Variants in NOS1AP observed in about 807,000 individuals in gnomAD.
NOS1AP encodes nitric oxide synthase 1 adaptor protein.
A neutral mutation model predicts 56.2 loss-of-function variants in NOS1AP; 21 were observed. That is an observed-to-expected ratio of 0.37 (90% CI 0.26 to 0.54). The LOEUF is 0.54. NOS1AP is among the 20% of genes least tolerant of loss of function. The probability of loss-of-function intolerance (pLI) is 0.84; values close to 1 mark genes in which losing one functional copy is unlikely to be tolerated. For synonymous variants in NOS1AP, 270 were observed against 274.6 expected, an observed-to-expected ratio of 0.98 and a Z score of 0.17; for missense variants, 522 against 657.8, an observed-to-expected ratio of 0.79 and a Z score of 2.26.
In NOS1AP at chr1:162,302,158, AC is replaced by A. The variant is rs1407034497; in HGVS notation, c.344+1453del. On this transcript the variant is annotated intron_variant, in intron 4 of 9. Transcript: ENST00000361897. Reference sequence around the variant, plus strand: ...AAATACTTGTTATAGTGTTTCTGTTACTTTTTTAAAAAACAAATGTCAATTT... The same window carrying A: ...AAATACTTGTTATAGTGTTTCTGTTATTTTTTAAAAAACAAATGTCAATTT... 9.9e-5 allele frequency among the ~76,000 whole-genome samples: 15 copies of A among 152,220 alleles called. No homozygotes were observed. In the East Asian group the frequency reaches 2.9e-3, roughly 29 times the overall value.
At chr1:162,182,550 G>A (rs1441042752) in intron 2 of NOS1AP, among the ~76,000 whole-genome samples, 2 of 152,214 alleles carry the variant, frequency 1.3e-5, no homozygotes, top group Non-Finnish European at 2.9e-5. Context: ...TCTGTAGCGT[G>A]TGACACTATT....
At chr1:162,268,257 G>GAA (rs757606072) in intron 2 of NOS1AP, among the ~76,000 whole-genome samples, 195 of 131,498 alleles carry the variant, frequency 1.5e-3, no homozygotes, top group African/African-American at 3.8e-3. Flanking sequence ...CTGTCTATAG[G>GAA]AAAAAAAAAA....
chr1:162,350,126 A>C (rs932391128), intron 6 of NOS1AP, among the ~76,000 whole-genome samples: 1 of 151,984 alleles, frequency 6.6e-6, no homozygotes, highest in Non-Finnish European at 1.5e-5. Context: ...TTTTACGAGA[A>C]TCTCACCTTC....
chr1:162,295,515 AT>A (rs200341152), intron 3 of NOS1AP, among the ~76,000 whole-genome samples: 4,432 of 150,386 alleles, frequency 0.029, 101 homozygotes, highest in Non-Finnish European at 0.044. Context: ...CTCATTTCAA[AT>A]TTTTTTTTTC....
At chr1:162,209,152 G>C (rs1019983040) in intron 2 of NOS1AP, among the ~76,000 whole-genome samples, 2 of 152,196 alleles carry the variant, frequency 1.3e-5, no homozygotes, top group South Asian at 4.1e-4. Context: ...AAACCCCATG[G>C]GGCCTCTGTA....
At chr1:162,252,881 T>C (rs1241152942) in intron 2 of NOS1AP, among the ~76,000 whole-genome samples, 2 of 152,198 alleles carry the variant, frequency 1.3e-5, no homozygotes, top group African/African-American at 4.8e-5. Flanking sequence ...GTTCAGCAGC[T>C]ATTGTATTGG....
At chr1:162,364,641 C>T in intron 8 of NOS1AP, 1 of 985,576 alleles carries the variant, frequency 1.0e-6, no homozygotes, top group Non-Finnish European at 1.2e-6. Flanking sequence ...CACCTCAGCC[C>T]TTCTGGGCTG....
intron 2 of NOS1AP, among the ~76,000 whole-genome samples, chr1:162,170,417 T>C (rs530704724): frequency 6.6e-6 from 1 of 152,078 alleles, no homozygotes; most frequent in African/African-American, 2.4e-5. Context: ...GAGCTGGGGG[T>C]CCACCTGGGC....
At chr1:162,143,555 A>G (rs1649325966) in intron 1 of NOS1AP, among the ~76,000 whole-genome samples, 2 of 152,150 alleles carry the variant, frequency 1.3e-5, no homozygotes, top group South Asian at 2.1e-4. Context: ...CCGGGGCTCA[A>G]GCGATCCTCC....
At chr1:162,300,885 T>G (rs1214848584) in intron 4 of NOS1AP, among the ~76,000 whole-genome samples, 179 bp downstream of exon 4, 2 of 152,214 alleles carry the variant, frequency 1.3e-5, no homozygotes, top group Non-Finnish European at 1.5e-5. Flanking sequence ...CTTATCATTC[T>G]GGTCATGCTT....
chr1:162,113,569 T>C (rs1163532354), intron 1 of NOS1AP, among the ~76,000 whole-genome samples: 1 of 152,128 alleles, frequency 6.6e-6, no homozygotes, highest in Non-Finnish European at 1.5e-5. Flanking sequence ...AGGAAACTTA[T>C]GATCATGGCA....
intron 1 of NOS1AP, among the ~76,000 whole-genome samples, chr1:162,126,665 A>G (rs1164504137): frequency 6.6e-6 from 1 of 152,136 alleles, no homozygotes; most frequent in East Asian, 1.9e-4. Context: ...GGTTTATTCA[A>G]CTTGTTTTCA....
At chr1:162,254,801 A>C (rs1653975099) in intron 2 of NOS1AP, among the ~76,000 whole-genome samples, 1 of 152,212 alleles carries the variant, frequency 6.6e-6, no homozygotes, top group Non-Finnish European at 1.5e-5. Context: ...TTACCAGTAC[A>C]ATCTGTGGTA....
intron 1 of NOS1AP, among the ~76,000 whole-genome samples, chr1:162,096,165 C>T (rs1466244882): frequency 6.6e-6 from 1 of 152,204 alleles, no homozygotes; most frequent in African/African-American, 2.4e-5. Context: ...TAAGTATAGG[C>T]TCTGCAGTGA....
intron 2 of NOS1AP, among the ~76,000 whole-genome samples, chr1:162,240,710 A>C (rs373804451): frequency 3.3e-5 from 5 of 152,376 alleles, no homozygotes; most frequent in African/African-American, 1.2e-4. Flanking sequence ...ACCCCAAGGG[A>C]AAGATACAAG....
At chr1:162,252,632 T>A (rs912097791) in intron 2 of NOS1AP, among the ~76,000 whole-genome samples, 1 of 152,148 alleles carries the variant, frequency 6.6e-6, no homozygotes. Context: ...TTACCTGCCA[T>A]CTTGTGAACT....
intron 2 of NOS1AP, among the ~76,000 whole-genome samples, chr1:162,243,880 G>T (rs182386677): frequency 6.6e-6 from 1 of 152,198 alleles, no homozygotes. Flanking sequence ...CTCAAAGGGG[G>T]TGTGAGTGGC....
intron 2 of NOS1AP, among the ~76,000 whole-genome samples, chr1:162,202,671 T>C (rs1652034666): frequency 6.6e-6 from 1 of 152,174 alleles, no homozygotes; most frequent in African/African-American, 2.4e-5. Flanking sequence ...TTCCTAGAAA[T>C]GATTTTGTCA....
intron 2 of NOS1AP, among the ~76,000 whole-genome samples, chr1:162,246,000 G>C (rs532792975): frequency 6.6e-6 from 1 of 152,194 alleles, no homozygotes; most frequent in Non-Finnish European, 1.5e-5. Flanking sequence ...AGGTGTCATT[G>C]GTTACTATTG....
Sources: gnomAD v4.1 joint callset for allele counts (sites outside exome capture counted in the v4.1 genomes callset) on GRCh38, gnomAD v4.1.1 for gene constraint, MANE v1.5 for transcripts, NCBI Gene and HGNC (gene_info 2026-07-23, HGNC 2026-07-21) for gene names.